The following RFX2 variants were observed in gnomAD, a reference collection of about 807,000 sequenced individuals.
The protein encoded by RFX2 is DNA-binding protein RFX2.
A neutral mutation model predicts 87.8 loss-of-function variants in RFX2; 20 were observed. That is an observed-to-expected ratio of 0.23 (90% CI 0.16 to 0.33). The LOEUF (loss-of-function observed/expected upper bound fraction) is 0.33. RFX2 is among the 10% of genes least tolerant of loss of function. The probability of loss-of-function intolerance (pLI) is 1.00; values close to 1 mark genes in which losing one functional copy is unlikely to be tolerated. For missense variants in RFX2, 767 were observed against 1,012.3 expected (o/e 0.76, Z 3.29); for synonymous variants, 397 against 431.3 (o/e 0.92, Z 0.98).
intron 1 of RFX2, among the ~76,000 whole-genome samples, chr19:6,053,505 G>A (rs1365086339): frequency 2.0e-5 from 3 of 152,182 alleles, no homozygotes; most frequent in Non-Finnish European, 4.4e-5. Context: ...TGAAAATGCT[G>A]TGTTAATGCA....
In RFX2 at chr19:6,022,669, T is replaced by G. The variant is rs1381620496; in HGVS notation, c.597+3494A>C. 6.6e-6 allele frequency among the ~76,000 whole-genome samples: 1 copy of G among 152,236 alleles called. No individual in the cohort carries two copies. Among genetic ancestry groups the G allele is most frequent in the Non-Finnish European group, 1.5e-5 (1 of 68,034 alleles). On this transcript the variant is annotated intron_variant, in intron 6 of 17. Transcript: ENST00000303657. The surrounding 1 kb of genome is among the most constrained non-coding windows in gnomAD (Gnocchi z 6.2). The stretch of plus-strand genomic sequence containing the variant: ...CCTCTGGAAGAGCTAATCCCCATTT[T>G]CACGGCGCCATATCATGCCCTTTTC...
In RFX2 at chr19:6,007,132, C is replaced by G; in HGVS notation, c.1282G>C (p.Asp428His). 1 of 1,614,104 alleles carries G rather than the reference C, an allele frequency of 6.2e-7. No homozygotes were observed. The highest frequency in any genetic ancestry group is 1.1e-5 in the South Asian group (1 of 91,078). Residue 428 changes from aspartate to histidine, a missense_variant, in exon 12 of 18, where the codon GAC (aspartate) becomes CAC (histidine). By Grantham distance (81) the Asp-to-His change is moderately conservative (BLOSUM62 -1). This residue lies in a region of RFX2 where 621 missense variants were observed against 873.0 expected (regional missense o/e 0.71). Transcript: ENST00000303657. This position sits in a 1 kb window ranked among gnomAD's most constrained non-coding sequence, Gnocchi z 8.2. ...CACTGACACAGGGAGATAAGCTTGT[C>G]CTTGGGCAGGACGGCGCCCTCGGGG... ...EDPEGAVLPK[D>H]KLISLCQCDP...
intron 1 of RFX2, among the ~76,000 whole-genome samples, chr19:6,073,779 G>C (rs28449972): frequency 0.076 from 11,535 of 152,210 alleles, 472 homozygotes; most frequent in Middle Eastern, 0.1. Context: ...TCATGGTTAA[G>C]ATGAGGTTGA....
Position 6,002,126 on chromosome 19 carries a change from A to G in RFX2, c.1651-103T>C. 2.9e-6 allele frequency: 3 copies of G among 1,038,518 alleles called. No individual in the cohort carries two copies. Among genetic ancestry groups the G allele is most frequent in the Non-Finnish European group, 4.1e-6 (3 of 738,934 alleles). 64.3% of individuals were successfully genotyped at this position (1,038,518 alleles called of 1,614,324 possible). A position where few individuals can be genotyped will look rare whatever the true frequency, so the allele number is the denominator to read the frequency against. ...AGGGCGGGACATCGTGCTGTGCTTGAGCCTTCTCGCCCTTGACCTTGACAG... is the reference window on the plus strand; with the variant it reads ...AGGGCGGGACATCGTGCTGTGCTTGGGCCTTCTCGCCCTTGACCTTGACAG... On this transcript the variant is annotated intron_variant, in intron 14 of 17. Transcript: ENST00000303657. The surrounding 1 kb of genome is among the most constrained non-coding windows in gnomAD (Gnocchi z 6.7).
rs748240460 is a variant in RFX2, at chr19:6,016,054, G to C, written c.779+36C>G. 6.5e-7 allele frequency: 1 copy of C among 1,541,752 alleles called. No homozygotes were observed. Among genetic ancestry groups the C allele is most frequent in the Non-Finnish European group, 8.8e-7 (1 of 1,141,846 alleles). ...AAAGCTCCATTTCTTGGGAAAGGAA[G>C]AGGAAGAACAGGTGGGCTGGGGATC... is the stretch of plus-strand genomic sequence containing the variant. On this transcript the variant is annotated intron_variant, in intron 7 of 17. Coordinates refer to ENST00000303657, the MANE Select transcript of RFX2 (RefSeq NM_000635.4). The surrounding 1 kb of genome is among the most constrained non-coding windows in gnomAD (Gnocchi z 5.4).
chr19:6,004,352 G>A lies in RFX2; in HGVS notation c.1403-54C>T. On this transcript the variant is annotated intron_variant, in intron 12 of 17. Coordinates refer to ENST00000303657, the MANE Select transcript of RFX2 (RefSeq NM_000635.4). The surrounding 1 kb of genome is among the most constrained non-coding windows in gnomAD (Gnocchi z 4.8). ...GGGAGAAAGGCAGTGACTGGACCCT[G>A]GAAATCAGCATTCAGTGTAAGAGCT... 2 of 1,433,936 alleles carry A rather than the reference G, an allele frequency of 1.4e-6. No homozygotes were observed. The highest frequency in any genetic ancestry group is 1.1e-5 in the South Asian group (1 of 87,304). The allele number at this position is 1,433,936 out of a possible 1,614,324, so 88.8% of individuals were successfully genotyped here.
chr19:6,107,160 G>A (rs1042267350), intron 1 of RFX2, among the ~76,000 whole-genome samples: 2 of 152,094 alleles, frequency 1.3e-5, no homozygotes, highest in African/African-American at 4.8e-5. Flanking sequence ...GCCGGGCGTG[G>A]TGGCAGGCGC....
intron 1 of RFX2, among the ~76,000 whole-genome samples, chr19:6,086,686 T>C (rs2087860255): frequency 6.6e-6 from 1 of 152,260 alleles, no homozygotes; most frequent in African/African-American, 2.4e-5. Context: ...AGGAATTAGA[T>C]GACTTCTGTG....
At chr19:6,072,757 G>GAAAAA (rs60827844) in intron 1 of RFX2, 1 of 586,592 alleles carries the variant, frequency 1.7e-6, no homozygotes, top group African/African-American at 1.9e-5. Context: ...AGAAAAAAGA[G>GAAAAA]AAAAAAAAGG....
rs1246129695 is a variant in RFX2 at position 6,002,454 on chromosome 19, C to T, written c.1650+267G>A. ...CCACAGGGAGGTCAACGTGGTGCCA[C>T]GATCCTGGAAGCTGGGGGCCTTTGT... is the stretch of plus-strand genomic sequence containing the variant. On this transcript the variant is annotated intron_variant, in intron 14 of 17. Coordinates refer to ENST00000303657, the MANE Select transcript of RFX2 (RefSeq NM_000635.4). The surrounding 1 kb of genome is among the most constrained non-coding windows in gnomAD (Gnocchi z 6.7). Among the ~76,000 whole-genome samples the T allele has an allele frequency of 6.6e-6, 1 of 152,190 alleles. No homozygotes were observed. The highest frequency in any genetic ancestry group is 2.4e-5 in the African/African-American group (1 of 41,458).
At chr19:6,091,577 C>G (rs2087935980) in intron 1 of RFX2, among the ~76,000 whole-genome samples, 1 of 152,174 alleles carries the variant, frequency 6.6e-6, no homozygotes, top group Non-Finnish European at 1.5e-5. Context: ...TTCCTGCATT[C>G]CTCACCTCAG....
chr19:6,087,284 T>C (rs1245989512), intron 1 of RFX2, among the ~76,000 whole-genome samples: 1 of 152,046 alleles, frequency 6.6e-6, no homozygotes, highest in Non-Finnish European at 1.5e-5. Context: ...TGGCTACTCC[T>C]CCCTCCCACT....
At chr19:6,094,122 A>G (rs1222337373) in intron 1 of RFX2, among the ~76,000 whole-genome samples, 1 of 152,160 alleles carries the variant, frequency 6.6e-6, no homozygotes, top group African/African-American at 2.4e-5. Context: ...ACACTAAAGA[A>G]TTCGTATGTA....
chr19:6,052,321 T>C (rs2087276826), intron 1 of RFX2, among the ~76,000 whole-genome samples: 1 of 152,178 alleles, frequency 6.6e-6, no homozygotes, highest in Admixed American at 6.5e-5. Context: ...AGATGATCAA[T>C]TTATCAGTAT....
At chr19:6,077,747 T>A (rs76046233) in intron 1 of RFX2, among the ~76,000 whole-genome samples, 1 of 152,076 alleles carries the variant, frequency 6.6e-6, no homozygotes, top group Non-Finnish European at 1.5e-5. Flanking sequence ...TTTGGGAGGC[T>A]GAGGCGGGTG....
chr19:6,077,466 G>T (rs1439541784), intron 1 of RFX2, among the ~76,000 whole-genome samples: 1 of 152,164 alleles, frequency 6.6e-6, no homozygotes, highest in East Asian at 1.9e-4. Context: ...TGGCCTCCAA[G>T]CATTTCTCAA....
chr19:6,087,414 C>T (rs980138912), intron 1 of RFX2, among the ~76,000 whole-genome samples: 1 of 152,140 alleles, frequency 6.6e-6, no homozygotes, highest in African/African-American at 2.4e-5. Context: ...AATTGAGGAT[C>T]GAGGATCAGA....
intron 1 of RFX2, among the ~76,000 whole-genome samples, chr19:6,077,539 T>C (rs552514788): frequency 6.6e-6 from 1 of 152,310 alleles, no homozygotes; most frequent in African/African-American, 2.4e-5. Flanking sequence ...GTGGGGTCTT[T>C]TTCCCCTCCT....
intron 1 of RFX2, among the ~76,000 whole-genome samples, chr19:6,062,263 G>A (rs147362067): frequency 1.3e-4 from 20 of 152,366 alleles, no homozygotes; most frequent in African/African-American, 4.6e-4. Flanking sequence ...AGCAGCGGCA[G>A]TAGCTGGTGG....
Sources: gnomAD v4.1 joint callset for allele counts (sites outside exome capture counted in the v4.1 genomes callset) on GRCh38, gnomAD v4.1.1 for gene constraint, gnomAD v4.1.1 regional missense constraint, Gnocchi (gnomAD v3.1) non-coding constraint, MANE v1.5 for transcripts, NCBI Gene and HGNC (gene_info 2026-07-23, HGNC 2026-07-21) for gene names.